LRRC1: variants seen among roughly 807,000 people sequenced by gnomAD.
LRRC1 encodes leucine rich repeat containing 1.
Under a neutral mutation model 69.9 loss-of-function variants are expected in LRRC1, and 28 were observed. That is an observed-to-expected ratio of 0.40 (90% CI 0.30 to 0.55). The LOEUF (loss-of-function observed/expected upper bound fraction) is 0.55, where lower values mean the gene tolerates loss of function less well. Among genes scored for constraint, LRRC1 ranks in the 20% least tolerant of loss-of-function variants. The pLI is 0.47. For missense variants in LRRC1, 498 were observed against 609.0 expected, an observed-to-expected ratio of 0.82 and a Z score of 1.92; for synonymous variants, 236 against 240.2, an observed-to-expected ratio of 0.98 and a Z score of 0.16.
chr6:53,890,827 A>G (rs79285219), intron 4 of LRRC1, among the ~76,000 whole-genome samples: 2,071 of 152,258 alleles, frequency 0.014, 34 homozygotes, highest in East Asian at 0.041. Context: ...GTTGCCATAA[A>G]TAGTTGTTGT....
rs59865937 is a variant in LRRC1 at position 53,919,477 on chromosome 6, TA to T, written c.1107-4del. ...TTTGAGGTTGTGATGTCTCTTTTTT[TA>T]AAAAAAAAAAAAAAAACAGGTTGCT... On this transcript the variant is annotated intron_variant, in intron 11 of 13. Transcript: ENST00000370888. 33,834 of 1,235,446 alleles carry T rather than the reference TA, an allele frequency of 0.027. 236 individuals are homozygous for T. Among genetic ancestry groups the T allele is most frequent in the African/African-American group, 0.12 (7,251 of 59,922 alleles). The allele number at this position is 1,235,446 out of a possible 1,614,324, so 76.5% of individuals were successfully genotyped here. A position where few individuals can be genotyped will look rare whatever the true frequency, so the allele number is the denominator to read the frequency against.
chr6:53,922,992 G>T lies in LRRC1; in HGVS notation c.*199G>T. 2.2e-6 allele frequency: 1 copy of T among 461,690 alleles called. No individual in the cohort carries two copies. Among genetic ancestry groups the T allele is most frequent in the Non-Finnish European group, 3.8e-6 (1 of 263,074 alleles). The allele number at this position is 461,690 out of a possible 1,614,324, so 28.6% of individuals were successfully genotyped here. A position where few individuals can be genotyped will look rare whatever the true frequency, so the allele number is the denominator to read the frequency against. On this transcript the variant is annotated 3_prime_UTR_variant, in exon 14 of 14. Coordinates refer to ENST00000370888, the MANE Select transcript of LRRC1 (RefSeq NM_018214.5). ...GTCAGCGCACCAGTGGTCTCCCGGT[G>T]TGATTTTTTTTTTTTTTAATTTCAG... is the stretch of plus-strand genomic sequence containing the variant.
chr6:53,896,419 G>A, intron 4 of LRRC1, 79 bp from the exon 5 acceptor site: 1 of 1,179,468 alleles, frequency 8.5e-7, no homozygotes, highest in Non-Finnish European at 1.3e-6. Context: ...AACTTGTCCA[G>A]TGTGTGTATG....
chr6:53,808,090 C>A (rs955400567), intron 1 of LRRC1, among the ~76,000 whole-genome samples: 1 of 152,126 alleles, frequency 6.6e-6, no homozygotes, highest in East Asian at 1.9e-4. Context: ...CTATGAGATA[C>A]CTGATTTATG....
intron 1 of LRRC1, among the ~76,000 whole-genome samples, chr6:53,840,627 C>CT (rs1033566132): frequency 1.3e-5 from 2 of 152,014 alleles, no homozygotes; most frequent in Non-Finnish European, 2.9e-5. Context: ...ACTTTCCCAT[C>CT]TTTTTGTCTT....
intron 4 of LRRC1, among the ~76,000 whole-genome samples, chr6:53,894,559 G>A (rs1246617299): frequency 6.6e-6 from 1 of 152,134 alleles, no homozygotes. Flanking sequence ...GTGGATTACC[G>A]AAGAGATAAA....
At chr6:53,878,120 A>G (rs1469650052) in intron 2 of LRRC1, among the ~76,000 whole-genome samples, 1 of 152,122 alleles carries the variant, frequency 6.6e-6, no homozygotes, top group Non-Finnish European at 1.5e-5. Context: ...TATAATAACC[A>G]TCAGGTCTCG....
chr6:53,846,397 A>G (rs1765945399), intron 2 of LRRC1, among the ~76,000 whole-genome samples: 2 of 152,212 alleles, frequency 1.3e-5, no homozygotes, highest in African/African-American at 2.4e-5. Flanking sequence ...CAGAATGACT[A>G]GATGTGCTCA....
chr6:53,859,945 C>T (rs556251005), intron 2 of LRRC1, among the ~76,000 whole-genome samples: 2 of 152,282 alleles, frequency 1.3e-5, no homozygotes, highest in African/African-American at 4.8e-5. Context: ...TGGTCACAAC[C>T]ATAGCCAATG....
chr6:53,880,782 C>G (rs923230303), intron 3 of LRRC1, among the ~76,000 whole-genome samples: 1 of 152,134 alleles, frequency 6.6e-6, no homozygotes, highest in Non-Finnish European at 1.5e-5. Context: ...ACTTGAATTC[C>G]TCTATTATTT....
chr6:53,897,434 C>T, intron 7 of LRRC1, 75 bp downstream of exon 7: 1 of 1,076,122 alleles, frequency 9.3e-7, no homozygotes, highest in Non-Finnish European at 1.4e-6. Context: ...CCTGCTGCCA[C>T]ATAAGGTTTG....
chr6:53,813,475 G>A (rs892068747), intron 1 of LRRC1, among the ~76,000 whole-genome samples: 2 of 151,734 alleles, frequency 1.3e-5, no homozygotes, highest in African/African-American at 4.8e-5. Context: ...ACAGAGGACA[G>A]CTGCCCCTGC....
At chr6:53,854,167 C>G (rs997507349) in intron 2 of LRRC1, among the ~76,000 whole-genome samples, 1 of 152,192 alleles carries the variant, frequency 6.6e-6, no homozygotes. Flanking sequence ...GGCTCTGCTT[C>G]AAGCAGCCAA....
At chr6:53,873,990 T>A (rs1239317768) in intron 2 of LRRC1, among the ~76,000 whole-genome samples, 1 of 152,142 alleles carries the variant, frequency 6.6e-6, no homozygotes, top group Non-Finnish European at 1.5e-5. Flanking sequence ...TACCATGGAG[T>A]ATTCAGGCTG....
intron 2 of LRRC1, among the ~76,000 whole-genome samples, chr6:53,862,492 GTTTA>G (rs1342335113): frequency 1.3e-5 from 2 of 152,122 alleles, no homozygotes; most frequent in Admixed American, 6.5e-5. Context: ...ACATGTTTGT[GTTTA>G]TTTAAGCCAA....
intron 4 of LRRC1, among the ~76,000 whole-genome samples, chr6:53,896,109 GT>G (rs1767862624): frequency 1.3e-5 from 2 of 152,200 alleles, no homozygotes. Context: ...AGGTGCTACT[GT>G]TTTATGGTAA....
rs150146414 is a variant in LRRC1, at chr6:53,922,617, T to A, written c.1417-18T>A. ...AGTGGAATAAAACCAAAACACTCAC[T>A]CCACTGTTTGTTTTTAGAGAACACT... On this transcript the variant is annotated intron_variant, in intron 13 of 13. Transcript: ENST00000370888. 3.8e-6 allele frequency: 6 copies of A among 1,599,314 alleles called. No homozygotes were observed. The highest frequency in any genetic ancestry group is 5.1e-6 in the Non-Finnish European group (6 of 1,170,460).
intron 4 of LRRC1, among the ~76,000 whole-genome samples, chr6:53,887,763 T>C (rs978959847): frequency 7.2e-5 from 11 of 152,222 alleles, no homozygotes; most frequent in African/African-American, 2.4e-4. Flanking sequence ...ATTTGCAATT[T>C]TTAAAGACTT....
chr6:53,808,297 T>A (rs1183754925), intron 1 of LRRC1, among the ~76,000 whole-genome samples: 2 of 151,842 alleles, frequency 1.3e-5, no homozygotes, highest in Non-Finnish European at 2.9e-5. Flanking sequence ...TTTTTGGTTG[T>A]ATTGATGGGG....
Sources: gnomAD v4.1 joint callset for allele counts (sites outside exome capture counted in the v4.1 genomes callset) on GRCh38, gnomAD v4.1.1 for gene constraint, MANE v1.5 for transcripts, NCBI Gene and HGNC (gene_info 2026-07-23, HGNC 2026-07-21) for gene names.